AGAP1: variants seen among roughly 807,000 people sequenced by gnomAD.
AGAP1 encodes the protein ArfGAP with GTPase domain, ankyrin repeat and PH domain 1, also known as arf-GAP with GTPase, ANK repeat and PH domain-containing protein 1.
In AGAP1, 29 loss-of-function variants were observed where a neutral mutation model predicts 105.3. The ratio of observed to expected loss-of-function variants is 0.28; its 90% CI spans 0.21 to 0.38. AGAP1 has a LOEUF of 0.38. Ranked by LOEUF, AGAP1 falls within the 10% of genes least tolerant of loss-of-function variation. The pLI is 1.00. For synonymous variants in AGAP1, 509 were observed against 485.9 expected, an observed-to-expected ratio of 1.05 and a Z score of -0.63; for missense variants, 998 against 1,165.1, an observed-to-expected ratio of 0.86 and a Z score of 2.09.
intron 1 of AGAP1, among the ~76,000 whole-genome samples, chr2:235,565,710 G>A (rs1414316100): frequency 6.6e-6 from 1 of 152,158 alleles, no homozygotes; most frequent in Non-Finnish European, 1.5e-5. Flanking sequence ...ACCCGGGGTG[G>A]AGTGTAGTGG....
At chr2:235,890,139 T>C (rs2050464083) in intron 10 of AGAP1, among the ~76,000 whole-genome samples, 1 of 150,402 alleles carries the variant, frequency 6.6e-6, no homozygotes, top group East Asian at 2.0e-4. Flanking sequence ...GAAGTGATGG[T>C]AGATTTCCAC....
Position 235,757,192 on chromosome 2 carries a change from C to A in AGAP1, c.673+6704C>A, listed in dbSNP as rs190788870. On this transcript the variant is annotated intron_variant, in intron 6 of 17. Transcript: ENST00000304032. Reference sequence around the variant, plus strand: ...AAAGAGATAAATTACAAATTATCATCTCTCTGCTTAACGGTCTCCAGGGCC... The same window carrying A: ...AAAGAGATAAATTACAAATTATCATATCTCTGCTTAACGGTCTCCAGGGCC... Among the ~76,000 whole-genome samples, 1,013 of 152,338 alleles carry A rather than the reference C, an allele frequency of 6.6e-3. 21 individuals carry two copies. Among genetic ancestry groups the A allele is most frequent in the Admixed American group, 0.043 (658 of 15,304 alleles).
intron 9 of AGAP1, among the ~76,000 whole-genome samples, chr2:235,856,792 T>G (rs2048704156): frequency 6.6e-6 from 1 of 152,204 alleles, no homozygotes; most frequent in Non-Finnish European, 1.5e-5. Flanking sequence ...TGTCATGAAA[T>G]TTCAAAACTT....
intron 3 of AGAP1, among the ~76,000 whole-genome samples, chr2:235,722,509 T>G (rs1191821923): frequency 6.6e-6 from 1 of 152,190 alleles, no homozygotes; most frequent in African/African-American, 2.4e-5. Flanking sequence ...CCATGCTGTT[T>G]CTTGGCTCAT....
Position 235,639,536 on chromosome 2 carries a change from C to G in AGAP1, c.164-69643C>G, listed in dbSNP as rs537302280. Reference sequence around the variant, plus strand: ...GGCTCATGAACAGATGTGGAAACATCGTGGGATGATCTCATGGTGGGTGGG... The same window carrying G: ...GGCTCATGAACAGATGTGGAAACATGGTGGGATGATCTCATGGTGGGTGGG... On this transcript the variant is annotated intron_variant, in intron 1 of 17. Transcript: ENST00000304032. The surrounding 1 kb of genome is among the most constrained non-coding windows in gnomAD (Gnocchi z 5.3). 1.6e-4 allele frequency among the ~76,000 whole-genome samples: 24 copies of G among 152,196 alleles called. No individual in the cohort carries two copies. The South Asian group carries it at 4.4e-3, about 28-fold the overall frequency.
Position 235,777,223 on chromosome 2 carries a change from G to A in AGAP1, c.674-20536G>A, listed in dbSNP as rs566645594. ...AATACAAAAAATTAGCCAGGCGTGC[G>A]CCTGTAATCCCAGCTACTCGGGAGT... On this transcript the variant is annotated intron_variant, in intron 6 of 17. Coordinates refer to ENST00000304032, the MANE Select transcript of AGAP1 (RefSeq NM_001037131.3). This position sits in a 1 kb window ranked among gnomAD's most constrained non-coding sequence, Gnocchi z 5.1. 2.6e-5 allele frequency among the ~76,000 whole-genome samples: 4 copies of A among 152,322 alleles called. No individual in the cohort carries two copies. The highest frequency in any genetic ancestry group is 9.6e-5 in the African/African-American group (4 of 41,574).
Position 235,744,590 on chromosome 2 carries a change from C to G in AGAP1, c.397-108C>G. 6.5e-6 allele frequency: 9 copies of G among 1,379,156 alleles called. No individual in the cohort carries two copies. The highest frequency in any genetic ancestry group is 9.1e-6 in the Non-Finnish European group (9 of 986,030). 85.4% of individuals were successfully genotyped at this position (1,379,156 alleles called of 1,614,324 possible). On this transcript the variant is annotated intron_variant, in intron 4 of 17. Coordinates refer to ENST00000304032, the MANE Select transcript of AGAP1 (RefSeq NM_001037131.3). The surrounding 1 kb of genome is among the most constrained non-coding windows in gnomAD (Gnocchi z 5.2). ...AAAAGTCAAGCACCCAGTGTGTGAC[C>G]GAGGGGATTCCTGCAGCCCCCTGCT...
chr2:235,954,523 T>G (rs372970122), intron 12 of AGAP1, among the ~76,000 whole-genome samples: 30 of 150,026 alleles, frequency 2.0e-4, no homozygotes, highest in Middle Eastern at 3.4e-3. Context: ...TTGGCGGAAG[T>G]GACTTGCATC....
intron 6 of AGAP1, among the ~76,000 whole-genome samples, chr2:235,796,599 A>G (rs1435624476): frequency 6.6e-6 from 1 of 152,202 alleles, no homozygotes; most frequent in African/African-American, 2.4e-5. Context: ...TCATATTTAT[A>G]CTATCATTCA....
intron 1 of AGAP1, among the ~76,000 whole-genome samples, chr2:235,529,269 G>A (rs1942963469): frequency 6.6e-6 from 1 of 152,202 alleles, no homozygotes; most frequent in South Asian, 2.1e-4. Context: ...TATGCTGGAG[G>A]CTACTTTGTG....
At chr2:235,757,066 C>T (rs1443498708) in intron 6 of AGAP1, among the ~76,000 whole-genome samples, 2 of 152,340 alleles carry the variant, frequency 1.3e-5, no homozygotes, top group Admixed American at 1.3e-4. Flanking sequence ...ACGTGCTCCC[C>T]ACCAAAACGT....
Position 235,753,014 on chromosome 2 carries a change from C to T in AGAP1, c.673+2526C>T, listed in dbSNP as rs1575333482. Among the ~76,000 whole-genome samples the T allele has an allele frequency of 6.6e-6, 1 of 152,178 alleles. No individual in the cohort carries two copies. Among genetic ancestry groups the T allele is most frequent in the Non-Finnish European group, 1.5e-5 (1 of 68,048 alleles). On this transcript the variant is annotated intron_variant, in intron 6 of 17. Coordinates refer to ENST00000304032, the MANE Select transcript of AGAP1 (RefSeq NM_001037131.3). This position sits in a 1 kb window ranked among gnomAD's most constrained non-coding sequence, Gnocchi z 4.5. ...ACAGAGGACACAAGCCCTCGCCAGT[C>T]CCTTCCCATAAAGGCACTTAACCCA...
chr2:235,940,986 C>A (rs10200514), intron 12 of AGAP1, among the ~76,000 whole-genome samples: 94,788 of 152,094 alleles, frequency 0.62, 30,856 homozygotes, highest in African/African-American at 0.82. Flanking sequence ...GTATTTCGTT[C>A]GATTTGCAAA....
chr2:235,652,747 C>A (rs759901265), intron 1 of AGAP1, among the ~76,000 whole-genome samples: 2 of 152,040 alleles, frequency 1.3e-5, no homozygotes, highest in Non-Finnish European at 2.9e-5. Context: ...CAAAAATTAG[C>A]CAGTTGTGGT....
chr2:235,769,270 A>G lies in AGAP1; in HGVS notation c.673+18782A>G, dbSNP rs1955225301. On this transcript the variant is annotated intron_variant, in intron 6 of 17. Coordinates refer to ENST00000304032, the MANE Select transcript of AGAP1 (RefSeq NM_001037131.3). The surrounding 1 kb of genome is among the most constrained non-coding windows in gnomAD (Gnocchi z 4.4). ...GTACTCCTGGGATTGGTGGCAGGTC[A>G]TGCAGTCATTGCTCACCAGAGCCAG... is the stretch of plus-strand genomic sequence containing the variant. Among the ~76,000 whole-genome samples, 1 of 152,176 alleles carries G rather than the reference A, an allele frequency of 6.6e-6. No individual in the cohort carries two copies. The highest frequency in any genetic ancestry group is 6.5e-5 in the Admixed American group (1 of 15,284).
rs766653540 is a variant in AGAP1 at position 236,040,844 on chromosome 2, A to G, written c.1891+3A>G. The G allele has an allele frequency of 6.2e-7, 1 of 1,614,152 alleles. No homozygotes were observed. Among genetic ancestry groups the G allele is most frequent in the Non-Finnish European group, 8.5e-7 (1 of 1,180,016 alleles). On this transcript the variant is annotated splice_donor_region_variant and intron_variant, in intron 15 of 17. Coordinates refer to ENST00000304032, the MANE Select transcript of AGAP1 (RefSeq NM_001037131.3). This position sits in a 1 kb window ranked among gnomAD's most constrained non-coding sequence, Gnocchi z 5.6. ...CTGTGTGGACTGCGAGACCCAGAGT[A>G]AGTGTGTGCGGTGGTAGCAGGGGCT...
rs140543939 is a variant in AGAP1 at position 235,959,406 on chromosome 2, A to T, written c.1484-9056A>T. Among the ~76,000 whole-genome samples, 822 of 152,258 alleles carry T rather than the reference A, an allele frequency of 5.4e-3. 4 individuals are homozygous for T. The highest frequency in any genetic ancestry group is 0.018 in the African/African-American group (767 of 41,542). ...GTTGTGATTGCTCATATTTTAAACC[A>T]GGGGAATGTTAAACAACTCCTTGAA... On this transcript the variant is annotated intron_variant, in intron 12 of 17. Coordinates refer to ENST00000304032, the MANE Select transcript of AGAP1 (RefSeq NM_001037131.3). The surrounding 1 kb of genome is among the most constrained non-coding windows in gnomAD (Gnocchi z 7.3).
chr2:235,670,765 G>A, intron 1 of AGAP1: 2 of 1,117,074 alleles, frequency 1.8e-6, no homozygotes, highest in Non-Finnish European at 2.6e-6. Context: ...AGAACGACGC[G>A]CTCTCGGACC....
At chr2:235,755,355 T>C (rs1403834826) in intron 6 of AGAP1, among the ~76,000 whole-genome samples, 1 of 152,214 alleles carries the variant, frequency 6.6e-6, no homozygotes, top group East Asian at 1.9e-4. Flanking sequence ...TTTGTTCTCC[T>C]AGGGCCTGGA....
Sources: gnomAD v4.1 joint callset for allele counts (sites outside exome capture counted in the v4.1 genomes callset) on GRCh38, gnomAD v4.1.1 for gene constraint, Gnocchi (gnomAD v3.1) non-coding constraint, MANE v1.5 for transcripts, NCBI Gene and HGNC (gene_info 2026-07-23, HGNC 2026-07-21) for gene names.